MTIF2: variants seen among roughly 807,000 people sequenced by gnomAD.
The protein encoded by MTIF2 is translation initiation factor IF-2, mitochondrial.
Under a neutral mutation model 83.5 loss-of-function variants are expected in MTIF2, and 71 were observed. The ratio of observed to expected loss-of-function variants is 0.85; its 90% CI spans 0.70 to 1.04. The LOEUF is 1.04. Among genes scored for constraint, MTIF2 ranks in the 50% least tolerant of loss-of-function variants. The pLI is 0.00. For synonymous variants in MTIF2, 319 were observed against 287.1 expected (o/e 1.11, Z -1.12); for missense variants, 957 against 846.5 (o/e 1.13, Z -1.62).
intron 10 of MTIF2, 34 bp from the exon 11 acceptor site, chr2:55,244,267 A>G (rs760643171): frequency 6.7e-7 from 1 of 1,494,704 alleles, no homozygotes; most frequent in Non-Finnish European, 9.2e-7. Context: ...TTTCAATGTC[A>G]TAATGTACTT....
chr2:55,256,700 C>CAA (rs34921662), intron 5 of MTIF2, among the ~76,000 whole-genome samples: 10,058 of 144,034 alleles, frequency 0.07, 460 homozygotes, highest in Admixed American at 0.13. Context: ...GACTCCATCT[C>CAA]AAAAAAAAAA....
intron 8 of MTIF2, among the ~76,000 whole-genome samples, chr2:55,251,934 A>G (rs1035748466): frequency 1.3e-5 from 2 of 152,188 alleles, no homozygotes; most frequent in African/African-American, 4.8e-5. Flanking sequence ...CCTAGAATGT[A>G]TAATTACATG....
rs1676441469 is a variant in MTIF2, at chr2:55,243,090, G to A, written c.1565-10C>T. 3 of 1,578,008 alleles carry A rather than the reference G, an allele frequency of 1.9e-6. No individual in the cohort carries two copies. Among genetic ancestry groups the A allele is most frequent in the African/African-American group, 1.4e-5 (1 of 72,868 alleles). On this transcript the variant is annotated splice_polypyrimidine_tract_variant and intron_variant, in intron 12 of 15. Coordinates refer to ENST00000263629, the MANE Select transcript of MTIF2 (RefSeq NM_002453.3). ...GAACCATCAACATCACCTAAATACA[G>A]AAAAAGTTTATAATTGTTGCTTTTA... is the stretch of plus-strand genomic sequence containing the variant.
chr2:55,242,383 C>G (rs1347593085), intron 13 of MTIF2, among the ~76,000 whole-genome samples: 2 of 152,184 alleles, frequency 1.3e-5, no homozygotes, highest in Non-Finnish European at 2.9e-5. Context: ...ACTAGGTGTT[C>G]GACTTTATTT....
chr2:55,244,359 T>C, intron 10 of MTIF2, 126 bp from the exon 11 acceptor site: 1 of 748,768 alleles, frequency 1.3e-6, no homozygotes, highest in Non-Finnish European at 2.1e-6. Context: ...ACTTCTTAAC[T>C]TAAGCAGTTT....
chr2:55,251,079 C>T (rs1271214128), intron 8 of MTIF2, among the ~76,000 whole-genome samples: 1 of 143,584 alleles, frequency 7.0e-6, no homozygotes, highest in African/African-American at 2.6e-5. Flanking sequence ...CACTGCACTC[C>T]AGCCTGGGCA....
chr2:55,262,293 C>G, intron 5 of MTIF2, 23 bp downstream of exon 5: 1 of 1,534,426 alleles, frequency 6.5e-7, no homozygotes, highest in Non-Finnish European at 9.0e-7. Flanking sequence ...CCATATTTTG[C>G]TTTGTAAAAA....
Position 55,254,174 on chromosome 2 carries a change from G to A in MTIF2, c.531C>T (p.Thr177=), listed in dbSNP as rs1361896566. 9 of 1,613,916 alleles carry A rather than the reference G, an allele frequency of 5.6e-6. No individual in the cohort carries two copies. The Middle Eastern group carries it at 1.2e-3, about 207-fold the overall frequency. ...RRPQADPALL[T]PRSPVVTIMG... Reference sequence around the variant, plus strand: ...TTATAGTAACAACTGGGGACCTTGGGGTTAATAAAGCTGGATCTGCCTGGG... The same window carrying A: ...TTATAGTAACAACTGGGGACCTTGGAGTTAATAAAGCTGGATCTGCCTGGG... Residue 177 remains threonine (T), a synonymous_variant, in exon 7 of 16, where the codon ACC becomes ACT. Transcript: ENST00000263629.
chr2:55,237,431 T>G lies in MTIF2; in HGVS notation c.1871-3A>C. 1 of 1,597,530 alleles carries G rather than the reference T, an allele frequency of 6.3e-7. No homozygotes were observed. On this transcript the variant is annotated splice_region_variant and splice_polypyrimidine_tract_variant and intron_variant, in intron 14 of 15. Coordinates refer to ENST00000263629, the MANE Select transcript of MTIF2 (RefSeq NM_002453.3). ...GGTAGCTAGTATAGATGCCTCACCT[T>G]TAGGAAGAAGAGAACATTAATGTGC...
rs1678610969 is a variant in MTIF2 at position 55,268,667 on chromosome 2, C to G, written c.-164G>C. On this transcript the variant is annotated 5_prime_UTR_variant, in exon 2 of 16. Transcript: ENST00000263629. ...TGTCATACCGCTAGTTAATGGCAGT[C>G]AAGACTAGAACCCAGACGTTCTGAC... 1.3e-5 allele frequency: 2 copies of G among 152,372 alleles called. No homozygotes were observed. Among genetic ancestry groups the G allele is most frequent in the African/African-American group, 4.8e-5 (2 of 41,566 alleles). The allele number at this position is 152,372 out of a possible 1,614,324, so 9.4% of individuals were successfully genotyped here.
rs1476082378 is a variant in MTIF2 at position 55,243,682 on chromosome 2, A to G, written c.1312-14T>C. Reference sequence around the variant, plus strand: ...ACGTGCCCTTGGCTTTATAGGGGAAAAACGTATTATTTAATGAAATAGACA... The same window carrying G: ...ACGTGCCCTTGGCTTTATAGGGGAAGAACGTATTATTTAATGAAATAGACA... On this transcript the variant is annotated splice_polypyrimidine_tract_variant and intron_variant, in intron 11 of 15. Coordinates refer to ENST00000263629, the MANE Select transcript of MTIF2 (RefSeq NM_002453.3). 1 of 1,608,102 alleles carries G rather than the reference A, an allele frequency of 6.2e-7. No homozygotes were observed. Among genetic ancestry groups the G allele is most frequent in the Non-Finnish European group, 8.5e-7 (1 of 1,177,860 alleles).
chr2:55,264,556 G>A (rs1678287395), intron 3 of MTIF2, among the ~76,000 whole-genome samples: 1 of 151,924 alleles, frequency 6.6e-6, no homozygotes, highest in African/African-American at 2.4e-5. Flanking sequence ...TACACTCTTA[G>A]AGTCTCTACA....
chr2:55,265,168 G>T (rs920237866), intron 3 of MTIF2, among the ~76,000 whole-genome samples: 1 of 151,440 alleles, frequency 6.6e-6, no homozygotes, highest in Non-Finnish European at 1.5e-5. Flanking sequence ...ACTTGAACCC[G>T]GGAGGTCGAG....
intron 3 of MTIF2, chr2:55,266,277 A>G (rs747596337): frequency 6.6e-6 from 1 of 152,186 alleles, no homozygotes; most frequent in South Asian, 2.1e-4. Context: ...TAATCTCAGC[A>G]CTGTGGGAGG....
intron 11 of MTIF2, among the ~76,000 whole-genome samples, 157 bp downstream of exon 11, chr2:55,243,872 T>A (rs1676504420): frequency 6.6e-6 from 1 of 152,310 alleles, no homozygotes; most frequent in East Asian, 1.9e-4. Context: ...ACCCCCAAAA[T>A]TCTATAGTCT....
At chr2:55,264,379 G>A (rs1399877619) in intron 3 of MTIF2, among the ~76,000 whole-genome samples, 4 of 152,072 alleles carry the variant, frequency 2.6e-5, no homozygotes, top group Non-Finnish European at 5.9e-5. Context: ...CTAGAGGTGC[G>A]CACCACTATG....
intron 8 of MTIF2, among the ~76,000 whole-genome samples, chr2:55,251,110 C>CAAA (rs57949152): frequency 5.6e-5 from 4 of 71,136 alleles, no homozygotes; most frequent in Non-Finnish European, 8.2e-5. Flanking sequence ...AACTCCGTCT[C>CAAA]AAAAAAAAAA....
At chr2:55,239,791 C>A (rs1476155084) in intron 14 of MTIF2, among the ~76,000 whole-genome samples, 1 of 152,042 alleles carries the variant, frequency 6.6e-6, no homozygotes, top group Non-Finnish European at 1.5e-5. Context: ...GTTCCTAATT[C>A]CTTATTTGCT....
chr2:55,244,679 C>T (rs548833322), intron 10 of MTIF2, among the ~76,000 whole-genome samples: 1 of 151,960 alleles, frequency 6.6e-6, no homozygotes, highest in South Asian at 2.1e-4. Context: ...CTTTTGAAGG[C>T]CAAGGTGGGT....
Sources: gnomAD v4.1 joint callset for allele counts (sites outside exome capture counted in the v4.1 genomes callset) on GRCh38, gnomAD v4.1.1 for gene constraint, MANE v1.5 for transcripts, NCBI Gene and HGNC (gene_info 2026-07-23, HGNC 2026-07-21) for gene names.